CNOT3: variants seen among roughly 807,000 people sequenced by gnomAD.
CNOT3 encodes the protein CCR4-NOT transcription complex subunit 3.
CNOT3 carries 2 observed loss-of-function variants against 89.4 expected under a neutral mutation model. The ratio of observed to expected loss-of-function variants is 0.02; its 90% CI spans 0.01 to 0.07. CNOT3 has a LOEUF of 0.07. Ranked by LOEUF, CNOT3 falls within the 10% of genes least tolerant of loss-of-function variation. The pLI is 1.00. For synonymous variants in CNOT3, 486 were observed against 402.0 expected (o/e 1.21, Z -2.50); for missense variants, 664 against 1,010.2 (o/e 0.66, Z 4.65).
intron 13 of CNOT3, 64 bp from the exon 14 acceptor site, chr19:54,152,162 G>C (rs1000578340): frequency 1.7e-5 from 27 of 1,570,724 alleles, no homozygotes; most frequent in African/African-American, 1.1e-4. Context: ...TCTGGGGCCT[G>C]TGTCAGGCTG....
chr19:54,153,990 C>T lies in CNOT3; in HGVS notation c.2163+150C>T, dbSNP rs746505750. Reference sequence around the variant, plus strand: ...ACCAAGTACTCCTCCCTCTGGCTGTCTGCTCAGCCTGGAACACCGCCCTCT... The same window carrying T: ...ACCAAGTACTCCTCCCTCTGGCTGTTTGCTCAGCCTGGAACACCGCCCTCT... On this transcript the variant is annotated intron_variant, in intron 17 of 17. Coordinates refer to ENST00000221232, the MANE Select transcript of CNOT3 (RefSeq NM_014516.4). 3.1e-6 allele frequency: 3 copies of T among 982,694 alleles called. No homozygotes were observed. In the South Asian group the frequency reaches 4.0e-5, roughly 13 times the overall value. The allele number at this position is 982,694 out of a possible 1,614,324, so 60.9% of individuals were successfully genotyped here.
At chr19:54,154,239 A>G in intron 17 of CNOT3, 1 of 390,684 alleles carries the variant, frequency 2.6e-6, no homozygotes, top group Non-Finnish European at 5.0e-6. Context: ...AGGTCCCAGC[A>G]CTCAGCAGGG....
At chr19:54,150,569 T>TGCCCAGGCTGTCCAGGAGGCAGTGTGCGC (rs781650592) in intron 13 of CNOT3, among the ~76,000 whole-genome samples, 34,790 of 137,316 alleles carry the variant, frequency 0.25, 6,125 homozygotes, top group Non-Finnish European at 0.32. Flanking sequence ...CCAGTGTGTA[T>TGCCCAGGCTGTCCAGGAGGCAGTGTGCGC]GCCCAGGCTG....
chr19:54,148,814 C>G lies in CNOT3; in HGVS notation c.1406+71C>G, dbSNP rs1386291162. On this transcript the variant is annotated intron_variant, in intron 12 of 17. Transcript: ENST00000221232. The surrounding 1 kb of genome is among the most constrained non-coding windows in gnomAD (Gnocchi z 6.3). ...AACAGAGAGGCGCAGGCGCCTCACC[C>G]CCGCATCGGTGGGTTCTGAACCCCC... is the stretch of plus-strand genomic sequence containing the variant. 3.3e-6 allele frequency: 5 copies of G among 1,495,748 alleles called. No individual in the cohort carries two copies. Among genetic ancestry groups the G allele is most frequent in the Non-Finnish European group, 4.5e-6 (5 of 1,102,830 alleles). 92.7% of individuals were successfully genotyped at this position (1,495,748 alleles called of 1,614,324 possible).
In CNOT3 at chr19:54,155,522, T is replaced by C. The variant is rs1486684506; in HGVS notation, c.*115T>C. 2.2e-6 allele frequency: 2 copies of C among 919,822 alleles called. No homozygotes were observed. Among genetic ancestry groups the C allele is most frequent in the Non-Finnish European group, 1.6e-6 (1 of 617,448 alleles). The allele number at this position is 919,822 out of a possible 1,614,324, so 57.0% of individuals were successfully genotyped here. On this transcript the variant is annotated 3_prime_UTR_variant, in exon 18 of 18. Coordinates refer to ENST00000221232, the MANE Select transcript of CNOT3 (RefSeq NM_014516.4). ...CCCCAAGCCACGGGGCATCCCCCTC[T>C]CCCAGGAAGCAGGGAGGGGGCCGGG...
chr19:54,152,594 C>T lies in CNOT3; in HGVS notation c.1872C>T (p.His624=), dbSNP rs372718074. The part of the protein sequence containing the change: ...QQAMEEAAWH[H]MPHPSDSERI... ...CCATGGAAGAGGCCGCCTGGCACCA[C>T]ATGCCTCACCCCTCTGACTCTGAGC... The change falls in exon 15 of 18, where the codon CAC becomes CAT. Residue 624 remains histidine (H), a synonymous_variant. Coordinates refer to ENST00000221232, the MANE Select transcript of CNOT3 (RefSeq NM_014516.4). 5.0e-6 allele frequency: 8 copies of T among 1,613,782 alleles called. No individual in the cohort carries two copies. The highest frequency in any genetic ancestry group is 1.3e-5 in the African/African-American group (1 of 75,068).
chr19:54,143,342 T>TCG, intron 3 of CNOT3, 100 bp from the exon 4 acceptor site: 1 of 946,684 alleles, frequency 1.1e-6, no homozygotes, highest in South Asian at 1.3e-5. Flanking sequence ...GGGTAGGGGT[T>TCG]GGGGGGGGTC....
intron 13 of CNOT3, among the ~76,000 whole-genome samples, 174 bp downstream of exon 13, chr19:54,149,932 C>T (rs190066424): frequency 3.7e-4 from 56 of 152,198 alleles, no homozygotes; most frequent in Admixed American, 2.9e-3. Context: ...CTCCCCGTGA[C>T]CTTGATCTCT....
chr19:54,143,547 T>A (rs1316602860), intron 4 of CNOT3, 31 bp downstream of exon 4: 2 of 1,611,874 alleles, frequency 1.2e-6, no homozygotes, highest in Non-Finnish European at 1.7e-6. Context: ...GACGCCTTTG[T>A]CCTGAGGGTA....
intron 17 of CNOT3, chr19:54,154,929 G>C (rs1600522413): frequency 4.6e-6 from 1 of 218,440 alleles, no homozygotes; most frequent in East Asian, 1.1e-4. Context: ...AAGGGTGACA[G>C]TACCCACTGC....
rs587747636 is a variant in CNOT3, at chr19:54,144,436, T to C, written c.483+104T>C. Reference sequence around the variant, plus strand: ...TGCTCCTGGGAGTTGGGGCCTGGATTCCTCAGGCGGACAGGGCCAACAGCC... The same window carrying C: ...TGCTCCTGGGAGTTGGGGCCTGGATCCCTCAGGCGGACAGGGCCAACAGCC... On this transcript the variant is annotated intron_variant, in intron 7 of 17. Transcript: ENST00000221232. This position sits in a 1 kb window ranked among gnomAD's most constrained non-coding sequence, Gnocchi z 4.8. The C allele has an allele frequency of 2.1e-4, 174 of 842,586 alleles. 2 individuals are homozygous for C. Among genetic ancestry groups the C allele is most frequent in the African/African-American group, 1.5e-3 (90 of 59,838 alleles). 52.2% of individuals were successfully genotyped at this position (842,586 alleles called of 1,614,324 possible).
At chr19:54,141,581 A>G (rs2074450858) in intron 1 of CNOT3, 1 of 152,242 alleles carries the variant, frequency 6.6e-6, no homozygotes, top group East Asian at 1.9e-4. Context: ...ATATGCGCAA[A>G]TAGAGTGTTT....
At chr19:54,138,268 G>GCCT (rs1294185722) in intron 1 of CNOT3, among the ~76,000 whole-genome samples, 3 of 152,058 alleles carry the variant, frequency 2.0e-5, no homozygotes, top group African/African-American at 4.8e-5. Flanking sequence ...GCCCGCCGCC[G>GCCT]CCTCCCCGCG....
chr19:54,151,314 G>A (rs1421104722), intron 13 of CNOT3, among the ~76,000 whole-genome samples: 1 of 152,136 alleles, frequency 6.6e-6, no homozygotes, highest in Non-Finnish European at 1.5e-5. Context: ...GTGAGGACAG[G>A]ATAGAGGGAG....
In CNOT3 at chr19:54,152,226, G is replaced by A. The variant is rs61743560; in HGVS notation, c.1606G>A (p.Ala536Thr). 827 of 1,614,048 alleles carry A rather than the reference G, an allele frequency of 5.1e-4. No homozygotes were observed. Among genetic ancestry groups the A allele is most frequent in the Middle Eastern group, 3.5e-3 (21 of 6,012 alleles). ...PQFSTAPEIK[A>T]PEPLSSLKSM... ...GCCAGGCCTCTTGTTTCCTCCCCAG[G>A]CCCCTGAGCCTCTGAGCTCCTTGAA... The change falls in exon 14 of 18, where the codon GCC (alanine) becomes ACC (threonine). Residue 536 changes from alanine to threonine, a missense_variant and splice_region_variant. Ala to Thr is a moderately conservative substitution (Grantham distance 58, BLOSUM62 0). Coordinates refer to ENST00000221232, the MANE Select transcript of CNOT3 (RefSeq NM_014516.4).
intron 12 of CNOT3, among the ~76,000 whole-genome samples, chr19:54,149,118 C>T (rs191173997): frequency 5.3e-5 from 8 of 152,322 alleles, no homozygotes; most frequent in Non-Finnish European, 1.0e-4. Context: ...TGCAGCCACT[C>T]CTTCAAATCT....
rs2074571206 is a variant in CNOT3 at position 54,144,358 on chromosome 19, T to C, written c.483+26T>C. On this transcript the variant is annotated intron_variant, in intron 7 of 17. Coordinates refer to ENST00000221232, the MANE Select transcript of CNOT3 (RefSeq NM_014516.4). The surrounding 1 kb of genome is among the most constrained non-coding windows in gnomAD (Gnocchi z 4.8). ...GTGAGTGAGGGAGACCCGACACCTT[T>C]GGGATGGGGATGGGCATGGGAATGG... 4 of 1,564,074 alleles carry C rather than the reference T, an allele frequency of 2.6e-6. No individual in the cohort carries two copies. In the East Asian group the frequency reaches 6.7e-5, roughly 26 times the overall value.
chr19:54,145,543 A>G lies in CNOT3; in HGVS notation c.484-55A>G, dbSNP rs1350807132. On this transcript the variant is annotated intron_variant, in intron 7 of 17. Coordinates refer to ENST00000221232, the MANE Select transcript of CNOT3 (RefSeq NM_014516.4). The surrounding 1 kb of genome is among the most constrained non-coding windows in gnomAD (Gnocchi z 5.9). ...TGAGGACAGGTTCTGTGGGGGCAGG[A>G]GGGGCCAAGCAGGTGCTCTGCAGCC... is the stretch of plus-strand genomic sequence containing the variant. 1.6e-6 allele frequency: 2 copies of G among 1,249,096 alleles called. No individual in the cohort carries two copies. Among genetic ancestry groups the G allele is most frequent in the Non-Finnish European group, 1.2e-6 (1 of 855,416 alleles). 77.4% of individuals were successfully genotyped at this position (1,249,096 alleles called of 1,614,324 possible).
intron 13 of CNOT3, among the ~76,000 whole-genome samples, chr19:54,150,383 G>A (rs2075005054): frequency 1.3e-5 from 2 of 152,182 alleles, no homozygotes; most frequent in African/African-American, 2.4e-5. Context: ...TAGGAAGCTG[G>A]GCAGGATGCA....
Sources: allele counts gnomAD v4.1 joint callset (sites outside exome capture counted in the v4.1 genomes callset), GRCh38; gene constraint gnomAD v4.1.1; non-coding constraint Gnocchi (gnomAD v3.1); transcripts MANE v1.5; gene names NCBI Gene and HGNC (gene_info 2026-07-23, HGNC 2026-07-21).